The following CNTNAP2 variants were observed in gnomAD, a reference collection of about 807,000 sequenced individuals.
CNTNAP2 encodes contactin associated protein 2, also known as contactin-associated protein-like 2.
CNTNAP2 carries 98 observed loss-of-function variants against 155.2 expected under a neutral mutation model. The ratio of observed to expected loss-of-function variants is 0.63; its 90% confidence interval spans 0.54 to 0.75. The LOEUF (loss-of-function observed/expected upper bound fraction) is 0.75. Among genes scored for constraint, CNTNAP2 ranks in the 30% least tolerant of loss-of-function variants. The probability of loss-of-function intolerance (pLI) is 0.00; values close to 1 mark genes in which losing one functional copy is unlikely to be tolerated. For missense variants in CNTNAP2, 1,727 were observed against 1,688.1 expected, an observed-to-expected ratio of 1.02 and a Z score of -0.40; for synonymous variants, 651 against 631.2, an observed-to-expected ratio of 1.03 and a Z score of -0.47.
At chr7:147,605,662 T>A (rs1801046861) in intron 12 of CNTNAP2, among the ~76,000 whole-genome samples, 1 of 152,106 alleles carries the variant, frequency 6.6e-6, no homozygotes, top group Non-Finnish European at 1.5e-5. Flanking sequence ...ATGACAAATG[T>A]GTTTCTTTCA....
chr7:146,367,059 T>G (rs1168683978), intron 1 of CNTNAP2, among the ~76,000 whole-genome samples: 3 of 152,166 alleles, frequency 2.0e-5, no homozygotes, highest in African/African-American at 4.8e-5. Flanking sequence ...CAGCATTGTA[T>G]GAGAACCAAT....
chr7:147,219,942 A>ATTTTTTTTTTTT (rs34947567), intron 8 of CNTNAP2, among the ~76,000 whole-genome samples: 1 of 123,016 alleles, frequency 8.1e-6, no homozygotes. Flanking sequence ...CGCCCAGCTA[A>ATTTTTTTTTTTT]TTTTTTTTTT....
intron 10 of CNTNAP2, among the ~76,000 whole-genome samples, chr7:147,476,192 T>G (rs903568090): frequency 9.2e-5 from 14 of 152,076 alleles, no homozygotes; most frequent in Non-Finnish European, 1.6e-4. Context: ...TGCAATCTCC[T>G]CCTCCTGGGT....
intron 1 of CNTNAP2, among the ~76,000 whole-genome samples, chr7:146,773,787 C>A (rs1331566157): frequency 1.3e-5 from 2 of 152,188 alleles, no homozygotes; most frequent in South Asian, 2.1e-4. Flanking sequence ...CACCAGATCT[C>A]CAGAACTTAG....
At chr7:147,109,658 CA>C (rs1411074765) in intron 5 of CNTNAP2, among the ~76,000 whole-genome samples, 1 of 151,954 alleles carries the variant, frequency 6.6e-6, no homozygotes, top group Non-Finnish European at 1.5e-5. Flanking sequence ...GACAGAGAGG[CA>C]AATATTGGGC....
chr7:147,646,984 CTTT>C (rs370340266), intron 13 of CNTNAP2, among the ~76,000 whole-genome samples: 23 of 140,604 alleles, frequency 1.6e-4, no homozygotes, highest in African/African-American at 5.4e-4. Flanking sequence ...ATTATGTTCA[CTTT>C]TTTTTTTTTT....
intron 13 of CNTNAP2, among the ~76,000 whole-genome samples, chr7:147,695,539 C>T (rs749679331): frequency 9.9e-5 from 15 of 152,192 alleles, no homozygotes; most frequent in Non-Finnish European, 1.9e-4. Context: ...GTGGCTCATG[C>T]CTGTAATCCC....
At chr7:146,430,534 G>A (rs1454412664) in intron 1 of CNTNAP2, among the ~76,000 whole-genome samples, 1 of 151,946 alleles carries the variant, frequency 6.6e-6, no homozygotes, top group African/African-American at 2.4e-5. Context: ...TTCATTTTAT[G>A]GAGGCAGTAA....
rs577905833 is a variant in CNTNAP2 at position 147,328,513 on chromosome 7, T to G, written c.1498+28223T>G. On this transcript the variant is annotated intron_variant, in intron 9 of 23. Transcript: ENST00000361727. Reference sequence around the variant, plus strand: ...GGACTGGGACGACTGAATCGACTATTTAGAGGGCCGAGGCCAGAAACTACA... The same window carrying G: ...GGACTGGGACGACTGAATCGACTATGTAGAGGGCCGAGGCCAGAAACTACA... Among the ~76,000 whole-genome samples, 3 of 152,270 alleles carry G rather than the reference T, an allele frequency of 2.0e-5. No homozygotes were observed. In the South Asian group the frequency reaches 6.2e-4, roughly 32 times the overall value.
At chr7:147,227,459 A>G (rs911231277) in intron 8 of CNTNAP2, among the ~76,000 whole-genome samples, 1 of 152,202 alleles carries the variant, frequency 6.6e-6, no homozygotes, top group East Asian at 1.9e-4. Context: ...AATGGATGAT[A>G]GGAAAGCAAG....
chr7:147,731,124 T>C (rs901328678), intron 13 of CNTNAP2, among the ~76,000 whole-genome samples: 28 of 152,266 alleles, frequency 1.8e-4, no homozygotes, highest in African/African-American at 6.5e-4. Context: ...CAAATGCTGA[T>C]GTAGAAGCTG....
chr7:147,218,568 GTT>G (rs35726360), intron 8 of CNTNAP2, among the ~76,000 whole-genome samples: 1 of 148,750 alleles, frequency 6.7e-6, no homozygotes, highest in Non-Finnish European at 1.5e-5. Flanking sequence ...ATTTTTTTCT[GTT>G]TTTTTTTTCT....
At chr7:146,878,890 A>G (rs918383707) in intron 3 of CNTNAP2, among the ~76,000 whole-genome samples, 11 of 151,826 alleles carry the variant, frequency 7.2e-5, no homozygotes, top group African/African-American at 2.7e-4. Context: ...TATCTCTCTA[A>G]CCCCTTATTT....
chr7:148,078,073 T>G lies in CNTNAP2; in HGVS notation c.2384-40045T>G, dbSNP rs113663252. Among the ~76,000 whole-genome samples, 5 of 126,328 alleles carry G rather than the reference T, an allele frequency of 4.0e-5. 1 individual carries two copies. The highest frequency in any genetic ancestry group is 4.2e-4 in the East Asian group (2 of 4,748). 82.9% of individuals were successfully genotyped at this position (126,328 alleles called of 152,430 possible). A position where few individuals can be genotyped will look rare whatever the true frequency, so the allele number is the denominator to read the frequency against. On this transcript the variant is annotated intron_variant, in intron 15 of 23. Coordinates refer to ENST00000361727, the MANE Select transcript of CNTNAP2 (RefSeq NM_014141.6). ...ACCCAAAAACATAATCATTGTTTTGTTTTTTTTTTAGACAGAATCTTGCTC... is the reference window on the plus strand; with the variant it reads ...ACCCAAAAACATAATCATTGTTTTGGTTTTTTTTTAGACAGAATCTTGCTC...
At chr7:146,568,646 A>T (rs998616896) in intron 1 of CNTNAP2, among the ~76,000 whole-genome samples, 1 of 152,186 alleles carries the variant, frequency 6.6e-6, no homozygotes, top group Non-Finnish European at 1.5e-5. Flanking sequence ...TCAAAAAATC[A>T]TGGTTTCTGT....
intron 13 of CNTNAP2, among the ~76,000 whole-genome samples, chr7:147,837,172 G>A (rs912659006): frequency 6.6e-6 from 1 of 152,172 alleles, no homozygotes; most frequent in African/African-American, 2.4e-5. Context: ...AAAAGAAAGA[G>A]GTTTAATGGA....
intron 10 of CNTNAP2, among the ~76,000 whole-genome samples, chr7:147,443,217 C>T (rs888535950): frequency 1.3e-5 from 2 of 152,160 alleles, no homozygotes; most frequent in Non-Finnish European, 2.9e-5. Context: ...AGTGATTCCC[C>T]TCTGGCTAAT....
intron 5 of CNTNAP2, among the ~76,000 whole-genome samples, chr7:147,110,930 A>T (rs927716559): frequency 6.6e-6 from 1 of 152,190 alleles, no homozygotes; most frequent in Non-Finnish European, 1.5e-5. Flanking sequence ...TTCTGCCTCT[A>T]GGTCTTTGAG....
intron 1 of CNTNAP2, among the ~76,000 whole-genome samples, chr7:146,697,114 G>C (rs1395245659): frequency 6.6e-6 from 1 of 151,942 alleles, no homozygotes; most frequent in Non-Finnish European, 1.5e-5. Flanking sequence ...ATAATAGTGG[G>C]TTTACTTATT....
Sources: gnomAD v4.1 joint callset for allele counts (sites outside exome capture counted in the v4.1 genomes callset) on GRCh38, gnomAD v4.1.1 for gene constraint, MANE v1.5 for transcripts, NCBI Gene and HGNC (gene_info 2026-07-23, HGNC 2026-07-21) for gene names.